The following AK3 variants were observed in gnomAD, a reference collection of about 807,000 sequenced individuals.
AK3 encodes GTP:AMP phosphotransferase AK3, mitochondrial.
A neutral mutation model predicts 23.7 loss-of-function variants in AK3; 27 were observed. The observed-to-expected ratio is 1.14, with a 90% CI of 0.84 to 1.57. The LOEUF is 1.57. AK3 is among the 40% of genes most tolerant of loss of function. AK3 has a pLI of 0.00. For synonymous variants in AK3, 159 were observed against 116.0 expected (o/e 1.37, Z -2.38); for missense variants, 406 against 285.6 (o/e 1.42, Z -3.04).
intron 1 of AK3, among the ~76,000 whole-genome samples, chr9:4,734,723 G>A (rs370731173): frequency 6.6e-6 from 1 of 152,174 alleles, no homozygotes; most frequent in African/African-American, 2.4e-5. Context: ...ACACCCATAA[G>A]ATAACAGAAA....
At chr9:4,715,438 G>A (rs1239800891) in intron 4 of AK3, among the ~76,000 whole-genome samples, 2 of 138,076 alleles carry the variant, frequency 1.4e-5, no homozygotes, top group African/African-American at 2.8e-5. Context: ...TGACACCCGC[G>A]CTCTAGACTG....
upstream of AK3, chr9:4,741,215 C>G: frequency 8.9e-7 from 1 of 1,121,670 alleles, no homozygotes; most frequent in Non-Finnish European, 1.2e-6. Context: ...GGTTCCCCGG[C>G]GTTCCCGGAA....
At chr9:4,718,570 A>G (rs749257216) in intron 3 of AK3, 33 bp from the exon 4 acceptor site, 5 of 1,432,766 alleles carry the variant, frequency 3.5e-6, no homozygotes, top group African/African-American at 2.8e-5. Context: ...AGTATCAGAT[A>G]TCATATTTCT....
At chr9:4,729,797 C>T (rs1019105466) in intron 1 of AK3, among the ~76,000 whole-genome samples, 5 of 149,434 alleles carry the variant, frequency 3.3e-5, no homozygotes, top group Non-Finnish European at 5.9e-5. Flanking sequence ...CACCACTGCA[C>T]TCCAGCCTTG....
intron 4 of AK3, among the ~76,000 whole-genome samples, chr9:4,714,028 A>ACACGTATACACCTC (rs1563781038): frequency 3.8e-4 from 1 of 2,628 alleles, no homozygotes; most frequent in African/African-American, 1.7e-3. Flanking sequence ...ATATACAGCT[A>ACACGTATACACCTC]CACATATACA....
chr9:4,721,747 C>T (rs1235513215), intron 2 of AK3, among the ~76,000 whole-genome samples: 1 of 152,218 alleles, frequency 6.6e-6, no homozygotes, highest in Non-Finnish European at 1.5e-5. Context: ...GCGTGAGCCA[C>T]TGCCTCTGGC....
chr9:4,728,241 A>T (rs916507940), intron 1 of AK3, among the ~76,000 whole-genome samples: 1 of 152,258 alleles, frequency 6.6e-6, no homozygotes, highest in African/African-American at 2.4e-5. Context: ...AAGATACAGT[A>T]CCTGTGAAGC....
At chr9:4,734,766 T>C (rs1842231170) in intron 1 of AK3, among the ~76,000 whole-genome samples, 3 of 152,200 alleles carry the variant, frequency 2.0e-5, no homozygotes, top group African/African-American at 7.2e-5. Flanking sequence ...CACCAACTTA[T>C]GAATGGATAA....
rs954786183 is a variant in AK3 at position 4,709,978 on chromosome 9, G to C, written c.*2998C>G. On this transcript the variant is annotated 3_prime_UTR_variant, in exon 5 of 5. Transcript: ENST00000381809. ...GGGCAGTTTTGTCACAAGTTATGAG[G>C]ATCCAAAATATCTTGCTAGAATGCC... 8 of 152,212 alleles carry C rather than the reference G, an allele frequency of 5.3e-5. No homozygotes were observed. The highest frequency in any genetic ancestry group is 1.9e-4 in the African/African-American group (8 of 41,530). The allele number at this position is 152,212 out of a possible 1,614,324, so 9.4% of individuals were successfully genotyped here.
chr9:4,735,784 A>G (rs1275324075), intron 1 of AK3, among the ~76,000 whole-genome samples: 1 of 3,012 alleles, frequency 3.3e-4, no homozygotes, highest in Non-Finnish European at 5.5e-4. Context: ...AATATTTTAA[A>G]AAGAAAAAAA....
chr9:4,729,015 A>ATATATATATATATATATATTTTT (rs71326127), intron 1 of AK3, among the ~76,000 whole-genome samples: 18 of 129,450 alleles, frequency 1.4e-4, no homozygotes, highest in Non-Finnish European at 2.5e-4. Context: ...ATATATATAT[A>ATATATATATATATATATATTTTT]TTTTTTTTTT....
intron 1 of AK3, among the ~76,000 whole-genome samples, chr9:4,737,734 C>T (rs549918542): frequency 2.4e-4 from 36 of 152,158 alleles, no homozygotes; most frequent in African/African-American, 7.5e-4. Context: ...AAATAAAATA[C>T]AATAAAAGAG....
Position 4,712,932 on chromosome 9 carries a change from G to A in AK3, c.*44C>T, listed in dbSNP as rs763692807. Reference sequence around the variant, plus strand: ...AAGCAGCTTCTAAATGCAAGGACTAGGAGGTTTGCCCATCTTACTATTAAT... The same window carrying A: ...AAGCAGCTTCTAAATGCAAGGACTAAGAGGTTTGCCCATCTTACTATTAAT... On this transcript the variant is annotated 3_prime_UTR_variant, in exon 5 of 5. Coordinates refer to ENST00000381809, the MANE Select transcript of AK3 (RefSeq NM_016282.4). 1.1e-5 allele frequency: 17 copies of A among 1,596,250 alleles called. No individual in the cohort carries two copies. The highest frequency in any genetic ancestry group is 4.0e-5 in the African/African-American group (3 of 74,362).
At chr9:4,716,443 A>G (rs1374968787) in intron 4 of AK3, among the ~76,000 whole-genome samples, 1 of 152,180 alleles carries the variant, frequency 6.6e-6, no homozygotes, top group Non-Finnish European at 1.5e-5. Flanking sequence ...CAACCCTATA[A>G]AGCAGATGCT....
At chr9:4,723,915 T>C (rs12341359) in intron 1 of AK3, among the ~76,000 whole-genome samples, 1 of 152,208 alleles carries the variant, frequency 6.6e-6, no homozygotes, top group Non-Finnish European at 1.5e-5. Context: ...AAGGTATATA[T>C]GAACATTTTC....
upstream of AK3, chr9:4,741,370 T>G (rs1016095027): frequency 5.7e-5 from 18 of 315,300 alleles, no homozygotes; most frequent in Admixed American, 1.5e-4. Context: ...GCGCCCCCTC[T>G]GCGCTCGCTC....
rs751245203 is a variant in AK3, at chr9:4,741,067, C to G, written c.21G>C (p.Leu7=). 7 of 1,553,424 alleles carry G rather than the reference C, an allele frequency of 4.5e-6. No individual in the cohort carries two copies. In the East Asian group the frequency reaches 1.5e-4, roughly 33 times the overall value. ...GGGCCCCCATGATCACCGCTCGCAG[C>G]AGCCGCGCGGACGCCCCCATGGCCG... The part of the protein sequence containing the change: MGASAR[L]LRAVIMGAPG... The change falls in exon 1 of 5, where the codon CTG becomes CTC. Residue 7 remains leucine, a synonymous_variant. Coordinates refer to ENST00000381809, the MANE Select transcript of AK3 (RefSeq NM_016282.4).
intron 1 of AK3, among the ~76,000 whole-genome samples, chr9:4,733,599 A>T (rs1842204179): frequency 6.6e-6 from 1 of 152,176 alleles, no homozygotes; most frequent in Non-Finnish European, 1.5e-5. Flanking sequence ...ACCATCACTC[A>T]ATCTCTCTCC....
chr9:4,721,134 G>A (rs188123820), intron 2 of AK3, among the ~76,000 whole-genome samples: 1 of 152,290 alleles, frequency 6.6e-6, no homozygotes, highest in East Asian at 1.9e-4. Context: ...CAGGTGCGAT[G>A]GCTCATACTT....
Sources: gnomAD v4.1 joint callset for allele counts (sites outside exome capture counted in the v4.1 genomes callset) on GRCh38, gnomAD v4.1.1 for gene constraint, MANE v1.5 for transcripts, NCBI Gene and HGNC (gene_info 2026-07-23, HGNC 2026-07-21) for gene names.